Variants in SLC16A7 observed in about 807,000 individuals in gnomAD.
The protein encoded by SLC16A7 is monocarboxylate transporter 2.
Under a neutral mutation model 34.9 loss-of-function variants are expected in SLC16A7, and 33 were observed. That is an observed-to-expected ratio of 0.94 (90% CI 0.72 to 1.26). The LOEUF (loss-of-function observed/expected upper bound fraction) is 1.26, where lower values mean the gene tolerates loss of function less well. Ranked by LOEUF, SLC16A7 falls within the 50% of genes most tolerant of loss-of-function variation. The probability of loss-of-function intolerance (pLI) is 0.00; values close to 1 mark genes in which losing one functional copy is unlikely to be tolerated. For synonymous variants in SLC16A7, 201 were observed against 206.6 expected (o/e 0.97, Z 0.23); for missense variants, 573 against 578.1 (o/e 0.99, Z 0.09).
intron 1 of SLC16A7, among the ~76,000 whole-genome samples, chr12:59,614,568 C>T (rs1020266043): frequency 1.3e-5 from 2 of 151,856 alleles, no homozygotes; most frequent in African/African-American, 4.8e-5. Flanking sequence ...TTGAATGTGT[C>T]TTTTTCAAAA....
chr12:59,729,578 T>C (rs1003713302), intron 3 of SLC16A7, among the ~76,000 whole-genome samples: 1 of 152,198 alleles, frequency 6.6e-6, no homozygotes, highest in South Asian at 2.1e-4. Context: ...CATCTTTCTC[T>C]ACAAGAAGCC....
At chr12:59,698,242 G>A (rs1173318879) in intron 2 of SLC16A7, among the ~76,000 whole-genome samples, 1 of 151,648 alleles carries the variant, frequency 6.6e-6, no homozygotes, top group Non-Finnish European at 1.5e-5. Flanking sequence ...GGGAAATATT[G>A]TTAAAACTGA....
intron 1 of SLC16A7, among the ~76,000 whole-genome samples, chr12:59,650,013 A>G (rs1283228849): frequency 1.3e-5 from 2 of 152,086 alleles, no homozygotes; most frequent in East Asian, 3.9e-4. Flanking sequence ...TTTGTCTAAT[A>G]TTTCACTTTT....
rs1367435417 is a variant in SLC16A7, at chr12:59,744,420, A to G, written c.218-26799A>G. ...AGAGGAGTCCAGCGGGGAAGGCTGG[A>G]CTCTGGGGGAAGCTTATCTTCCAGT... On this transcript the variant is annotated intron_variant, in intron 3 of 5. Transcript: ENST00000547379. Among the ~76,000 whole-genome samples, 3 of 152,016 alleles carry G rather than the reference A, an allele frequency of 2.0e-5. No homozygotes were observed. The East Asian group carries it at 5.8e-4, about 30-fold the overall frequency.
intron 2 of SLC16A7, among the ~76,000 whole-genome samples, chr12:59,663,136 G>T (rs185304471): frequency 2.0e-5 from 3 of 151,932 alleles, no homozygotes; most frequent in Admixed American, 1.3e-4. Context: ...GTTCTTTATA[G>T]ATCTTATCAA....
intron 2 of SLC16A7, among the ~76,000 whole-genome samples, chr12:59,668,089 G>A (rs1192893064): frequency 6.6e-6 from 1 of 152,256 alleles, no homozygotes; most frequent in Non-Finnish European, 1.5e-5. Flanking sequence ...ACAGGCACAA[G>A]TTTGCTGCAG....
At chr12:59,733,739 C>T (rs2137252722) in intron 3 of SLC16A7, 1 of 456,054 alleles carries the variant, frequency 2.2e-6, no homozygotes, top group Non-Finnish European at 4.4e-6. Flanking sequence ...CCCATCTCAC[C>T]TCCAGGAAGA....
chr12:59,629,897 C>T (rs1880101862), intron 1 of SLC16A7, among the ~76,000 whole-genome samples: 1 of 151,890 alleles, frequency 6.6e-6, no homozygotes, highest in African/African-American at 2.4e-5. Context: ...AAACATGCTT[C>T]TGGAACTCAT....
chr12:59,611,512 C>A (rs986728655), intron 1 of SLC16A7, among the ~76,000 whole-genome samples: 1 of 152,198 alleles, frequency 6.6e-6, no homozygotes, highest in Non-Finnish European at 1.5e-5. Context: ...CAAACCATAT[C>A]ATTCTGCCTC....
At chr12:59,754,938 C>T (rs936287072) in intron 3 of SLC16A7, among the ~76,000 whole-genome samples, 1 of 152,190 alleles carries the variant, frequency 6.6e-6, no homozygotes, top group African/African-American at 2.4e-5. Flanking sequence ...CCCTGGGATG[C>T]AAGGCTGGTT....
chr12:59,669,373 G>A (rs958800196), intron 2 of SLC16A7, among the ~76,000 whole-genome samples: 10 of 151,876 alleles, frequency 6.6e-5, no homozygotes, highest in Non-Finnish European at 1.0e-4. Context: ...TTTTAAAGTG[G>A]GGTATATATA....
rs140460047 is a variant in SLC16A7, at chr12:59,775,191, C to T, written c.896C>T (p.Ser299Phe). 1.2e-4 allele frequency: 186 copies of T among 1,614,086 alleles called. No homozygotes were observed. The African/African-American group carries it at 2.3e-3, about 20-fold the overall frequency. ...TTCGTTGATATGTTTGCTAGGCCTT[C>T]TGTAGGATTAATTGCAAACTCCAAA... The part of the protein sequence containing the change: ...MAFVDMFARP[S>F]VGLIANSKYI... The change falls in exon 5 of 6, where the codon TCT (serine) becomes TTT (phenylalanine). Residue 299 changes from serine (S) to phenylalanine (F), a missense_variant. Physicochemically the swap from Ser to Phe is radical, Grantham distance 155. Coordinates refer to ENST00000547379, the MANE Select transcript of SLC16A7 (RefSeq NM_001270623.2).
chr12:59,752,778 A>G (rs564708542), intron 3 of SLC16A7, among the ~76,000 whole-genome samples: 42 of 152,296 alleles, frequency 2.8e-4, no homozygotes, highest in Admixed American at 5.2e-4. Context: ...TTCCTCGAGA[A>G]GAGCAACTCC....
chr12:59,603,046 G>C (rs888193476), intron 1 of SLC16A7, among the ~76,000 whole-genome samples: 1 of 152,016 alleles, frequency 6.6e-6, no homozygotes, highest in Non-Finnish European at 1.5e-5. Flanking sequence ...ATTGATATCA[G>C]CAGTATTCTA....
At chr12:59,637,407 G>A (rs1455458826) in intron 1 of SLC16A7, among the ~76,000 whole-genome samples, 1 of 151,198 alleles carries the variant, frequency 6.6e-6, no homozygotes, top group Non-Finnish European at 1.5e-5. Context: ...TTTTCACCTC[G>A]GTCTCGTTGA....
At chr12:59,755,334 A>C (rs1880176129) in intron 3 of SLC16A7, among the ~76,000 whole-genome samples, 1 of 152,234 alleles carries the variant, frequency 6.6e-6, no homozygotes, top group South Asian at 2.1e-4. Flanking sequence ...TGCAAATGAC[A>C]TGATTGTATA....
At chr12:59,660,732 A>G (rs1868804252) in intron 2 of SLC16A7, among the ~76,000 whole-genome samples, 1 of 151,974 alleles carries the variant, frequency 6.6e-6, no homozygotes, top group Non-Finnish European at 1.5e-5. Flanking sequence ...ACAATAAAAT[A>G]AACTATGATA....
At chr12:59,598,248 T>G (rs1592374280) in intron 1 of SLC16A7, among the ~76,000 whole-genome samples, 1 of 152,254 alleles carries the variant, frequency 6.6e-6, no homozygotes, top group Non-Finnish European at 1.5e-5. Flanking sequence ...CAATCTGGGC[T>G]TTACCTTTTT....
In SLC16A7 at chr12:59,694,184, G is replaced by C. The variant is rs371399702; in HGVS notation, c.-30-10588G>C. On this transcript the variant is annotated intron_variant, in intron 2 of 5. Transcript: ENST00000547379. The stretch of plus-strand genomic sequence containing the variant: ...GGCTATAATAATTAAAGCTACTTTT[G>C]TAGGGGGAATAAGCTTTATGCCTAC... Among the ~76,000 whole-genome samples the C allele has an allele frequency of 1.3e-3, 190 of 151,988 alleles. 4 individuals carry two copies. In the South Asian group the frequency reaches 0.02, roughly 16 times the overall value.
Sources: gnomAD v4.1 joint callset for allele counts (sites outside exome capture counted in the v4.1 genomes callset) on GRCh38, gnomAD v4.1.1 for gene constraint, MANE v1.5 for transcripts, NCBI Gene and HGNC (gene_info 2026-07-23, HGNC 2026-07-21) for gene names.